DAGLA: variants seen among roughly 807,000 people sequenced by gnomAD.
DAGLA encodes diacylglycerol lipase-alpha.
Under a neutral mutation model 102.6 loss-of-function variants are expected in DAGLA, and 22 were observed. The observed-to-expected ratio is 0.21, with a 90% CI of 0.15 to 0.31. The LOEUF (loss-of-function observed/expected upper bound fraction) is 0.31. Among genes scored for constraint, DAGLA ranks in the 10% least tolerant of loss-of-function variants. The pLI is 1.00. For synonymous variants in DAGLA, 578 were observed against 628.9 expected (o/e 0.92, Z 1.21); for missense variants, 927 against 1,446.6 (o/e 0.64, Z 5.83).
chr11:61,695,856 A>G (rs2065060334), intron 1 of DAGLA, among the ~76,000 whole-genome samples: 1 of 152,050 alleles, frequency 6.6e-6, no homozygotes, highest in Non-Finnish European at 1.5e-5. Flanking sequence ...GGAATGAGGT[A>G]GGGTGTGCAT....
intron 1 of DAGLA, among the ~76,000 whole-genome samples, chr11:61,688,637 T>C (rs2065003207): frequency 6.6e-6 from 1 of 152,178 alleles, no homozygotes; most frequent in African/African-American, 2.4e-5. Flanking sequence ...TTTGTGGAAG[T>C]GCAGGGGGCC....
rs754800869 is a variant in DAGLA at position 61,744,420 on chromosome 11, G to T, written c.3060G>T (p.Arg1020=). Residue 1020 remains arginine, a synonymous_variant, in exon 20 of 20, where the codon CGG becomes CGT. Coordinates refer to ENST00000257215, the MANE Select transcript of DAGLA (RefSeq NM_006133.3). ...SQECLAADKI[R]TSTPTGHGAS... is the part of the protein sequence containing the mutation. Reference sequence around the variant, plus strand: ...AATGCCTGGCGGCTGACAAGATCCGGACTTCTACCCCCACTGGCCACGGAG... The same window carrying T: ...AATGCCTGGCGGCTGACAAGATCCGTACTTCTACCCCCACTGGCCACGGAG... 1.2e-6 allele frequency: 2 copies of T among 1,609,222 alleles called. No homozygotes were observed. Among genetic ancestry groups the T allele is most frequent in the South Asian group, 2.2e-5 (2 of 90,818 alleles).
In DAGLA at chr11:61,743,746, C is replaced by T. The variant is rs1316754408; in HGVS notation, c.2386C>T (p.Arg796Cys). ...TESLYSFDSR[R>C]SSGFRSIRGS... ...GTCCCTGTACAGCTTCGACTCGCGC[C>T]GCTCCTCAGGCTTCCGCAGCATCCG... The change falls in exon 20 of 20, where the codon CGC becomes TGC. Residue 796 changes from arginine to cysteine, a missense_variant. By Grantham distance (180) the Arg-to-Cys change is radical. Transcript: ENST00000257215. 16 of 1,612,106 alleles carry T rather than the reference C, an allele frequency of 9.9e-6. No individual in the cohort carries two copies. Among genetic ancestry groups the T allele is most frequent in the African/African-American group, 1.3e-5 (1 of 74,924 alleles).
At chr11:61,726,388 C>A (rs550106402) in intron 6 of DAGLA, among the ~76,000 whole-genome samples, 3 of 152,208 alleles carry the variant, frequency 2.0e-5, no homozygotes, top group Non-Finnish European at 4.4e-5. Flanking sequence ...GACCTGAAGA[C>A]AAAGAAAAGT....
At position 61,684,039 on chromosome 11, in the gene DAGLA, C is replaced by A. The variant is rs2064965933; in HGVS notation, c.-45+3535C>A. On this transcript the variant is annotated intron_variant, in intron 1 of 19. Coordinates refer to ENST00000257215, the MANE Select transcript of DAGLA (RefSeq NM_006133.3). The surrounding 1 kb of genome is among the most constrained non-coding windows in gnomAD (Gnocchi z 4.5). Reference sequence around the variant, plus strand: ...GCCTGGCTGCTGTGCTTTAGGGGTGCCGGGGAGCCAGGCATCTGTGGCCAG... The same window carrying A: ...GCCTGGCTGCTGTGCTTTAGGGGTGACGGGGAGCCAGGCATCTGTGGCCAG... 6.6e-6 allele frequency among the ~76,000 whole-genome samples: 1 copy of A among 152,214 alleles called. No individual in the cohort carries two copies. Among genetic ancestry groups the A allele is most frequent in the African/African-American group, 2.4e-5 (1 of 41,460 alleles).
At chr11:61,715,579 G>C (rs1481653622) in intron 1 of DAGLA, among the ~76,000 whole-genome samples, 2 of 152,224 alleles carry the variant, frequency 1.3e-5, no homozygotes, top group Non-Finnish European at 2.9e-5. Flanking sequence ...TTAGGACGAG[G>C]GGGCGAGGCC....
intron 1 of DAGLA, among the ~76,000 whole-genome samples, chr11:61,718,926 G>A (rs918008777): frequency 7.9e-5 from 12 of 152,258 alleles, no homozygotes; most frequent in African/African-American, 2.9e-4. Context: ...GAATGATGCC[G>A]GGCTCCTCGG....
chr11:61,726,219 C>T (rs2065325349), intron 6 of DAGLA, 137 bp downstream of exon 6: 2 of 772,456 alleles, frequency 2.6e-6, no homozygotes, highest in South Asian at 1.5e-5. Flanking sequence ...GCAAGTATGG[C>T]CTGCTCACAC....
chr11:61,711,037 A>T (rs964078251), intron 1 of DAGLA, among the ~76,000 whole-genome samples: 1 of 152,158 alleles, frequency 6.6e-6, no homozygotes, highest in African/African-American at 2.4e-5. Context: ...AGCTCATTGG[A>T]TGGCCACCCC....
At chr11:61,692,126 G>C (rs765796728) in intron 1 of DAGLA, among the ~76,000 whole-genome samples, 3 of 152,194 alleles carry the variant, frequency 2.0e-5, no homozygotes, top group African/African-American at 7.2e-5. Context: ...GTGCATTAGA[G>C]CCTGCTGTGA....
chr11:61,708,262 C>T (rs2065166184), intron 1 of DAGLA, among the ~76,000 whole-genome samples: 1 of 152,240 alleles, frequency 6.6e-6, no homozygotes, highest in African/African-American at 2.4e-5. Context: ...CCCGCTTAGG[C>T]CTCCCAAAGT....
In DAGLA at chr11:61,736,367, G is replaced by A. The variant is rs765947984; in HGVS notation, c.1371+17G>A. The A allele has an allele frequency of 6.2e-7, 1 of 1,609,932 alleles. No homozygotes were observed. Among genetic ancestry groups the A allele is most frequent in the African/African-American group, 1.3e-5 (1 of 74,980 alleles). On this transcript the variant is annotated intron_variant, in intron 13 of 19. Coordinates refer to ENST00000257215, the MANE Select transcript of DAGLA (RefSeq NM_006133.3). ...CGAGACCTGGTGAGGAATTTTCCAT[G>A]GCACCAAGCCTTTTCACACCTGGGT...
chr11:61,685,137 T>C, intron 1 of DAGLA, among the ~76,000 whole-genome samples: 1 of 152,134 alleles, frequency 6.6e-6, no homozygotes, highest in South Asian at 2.1e-4. Context: ...TGGGTAGTTA[T>C]GACTTCAGAC....
intron 19 of DAGLA, among the ~76,000 whole-genome samples, chr11:61,743,075 T>A (rs542931108): frequency 6.6e-6 from 1 of 152,208 alleles, no homozygotes; most frequent in East Asian, 1.9e-4. Flanking sequence ...TAAAAAATAA[T>A]CATTCCTGGC....
At chr11:61,731,640 G>A (rs772575277) in intron 9 of DAGLA, among the ~76,000 whole-genome samples, 199 bp downstream of exon 9, 1 of 152,196 alleles carries the variant, frequency 6.6e-6, no homozygotes, top group East Asian at 1.9e-4. Context: ...TTATGGGTTC[G>A]AATCCAGATG....
At position 61,743,972 on chromosome 11, in the gene DAGLA, C is replaced by G; in HGVS notation, c.2612C>G (p.Pro871Arg). The G allele has an allele frequency of 6.2e-7, 1 of 1,611,996 alleles. No homozygotes were observed. The part of the protein sequence containing the change: ...GSGGVTPERP[P>R]SAAANDEEEE... Reference sequence around the variant, plus strand: ...GGCGGCGTCACTCCTGAGCGGCCCCCCAGTGCTGCGGCCAATGACGAGGAG... The same window carrying G: ...GGCGGCGTCACTCCTGAGCGGCCCCGCAGTGCTGCGGCCAATGACGAGGAG... Residue 871 changes from proline to arginine, a missense_variant, in exon 20 of 20, where the codon CCC becomes CGC. Physicochemically the swap from Pro to Arg is moderately radical, Grantham distance 103. Transcript: ENST00000257215.
At position 61,730,480 on chromosome 11, in the gene DAGLA, GTGCCACCTATT is replaced by G. The variant is rs370021049; in HGVS notation, c.850-835_850-825del. On this transcript the variant is annotated intron_variant, in intron 8 of 19. Coordinates refer to ENST00000257215, the MANE Select transcript of DAGLA (RefSeq NM_006133.3). ...TCCACCCCTCCGGGCCCTGATCAAGGTGCCACCTATTTCACTTCACAAGGTGACTAACCACC... is the reference window on the plus strand; with the variant it reads ...TCCACCCCTCCGGGCCCTGATCAAGGTCACTTCACAAGGTGACTAACCACC... 7.9e-3 allele frequency among the ~76,000 whole-genome samples: 1,197 copies of G among 152,270 alleles called. 22 individuals carry two copies. The highest frequency in any genetic ancestry group is 0.027 in the African/African-American group (1,114 of 41,540).
rs1350117011 is a variant in DAGLA, at chr11:61,722,843, C to T, written c.308-16C>T. 6.2e-7 allele frequency: 1 copy of T among 1,609,782 alleles called. No individual in the cohort carries two copies. Among genetic ancestry groups the T allele is most frequent in the Admixed American group, 1.7e-5 (1 of 60,014 alleles). On this transcript the variant is annotated splice_polypyrimidine_tract_variant and intron_variant, in intron 3 of 19. Transcript: ENST00000257215. ...AAGTGGCAGCCATCCTTCAGCCAGG[C>T]CTGCTCTCCTTGCAGCCATCCTGGT...
intron 1 of DAGLA, among the ~76,000 whole-genome samples, chr11:61,694,337 C>T (rs912769466): frequency 3.3e-5 from 5 of 152,214 alleles, no homozygotes; most frequent in South Asian, 2.1e-4. Flanking sequence ...TGAGTTTGCG[C>T]GTAAATGGCT....
Sources: allele counts gnomAD v4.1 joint callset (sites outside exome capture counted in the v4.1 genomes callset), GRCh38; gene constraint gnomAD v4.1.1; non-coding constraint Gnocchi (gnomAD v3.1); transcripts MANE v1.5; gene names NCBI Gene and HGNC (gene_info 2026-07-23, HGNC 2026-07-21).